The following SFXN5 variants were observed in gnomAD, a reference collection of about 807,000 sequenced individuals.
SFXN5 encodes sideroflexin-5.
In SFXN5, 43 loss-of-function variants were observed where a neutral mutation model predicts 50.2. That is an observed-to-expected ratio of 0.86 (90% CI 0.67 to 1.11). The LOEUF (loss-of-function observed/expected upper bound fraction) is 1.11, where lower values mean the gene tolerates loss of function less well. Ranked by LOEUF, SFXN5 falls within the 50% of genes least tolerant of loss-of-function variation. The pLI, the probability that SFXN5 is intolerant of heterozygous loss-of-function variation, is 0.00. For missense variants in SFXN5, 463 were observed against 454.1 expected (o/e 1.02, Z -0.18); for synonymous variants, 203 against 185.8 (o/e 1.09, Z -0.75).
Position 73,069,781 on chromosome 2 carries a change from T to C in SFXN5, c.102+1823A>G, listed in dbSNP as rs1337571422. ...TGTCTGTTAGGTCACTGAATGTCCCTAGTGCCACATACAGATAACAGACAC... is the reference window on the plus strand; with the variant it reads ...TGTCTGTTAGGTCACTGAATGTCCCCAGTGCCACATACAGATAACAGACAC... On this transcript the variant is annotated intron_variant, in intron 1 of 13. Coordinates refer to ENST00000272433, the MANE Select transcript of SFXN5 (RefSeq NM_144579.3). 2.0e-5 allele frequency among the ~76,000 whole-genome samples: 3 copies of C among 151,038 alleles called. No homozygotes were observed. The Middle Eastern group carries it at 0.01, about 514-fold the overall frequency.
chr2:73,031,418 G>T (rs1375028548), intron 3 of SFXN5, among the ~76,000 whole-genome samples: 2 of 152,222 alleles, frequency 1.3e-5, no homozygotes, highest in Admixed American at 6.5e-5. Flanking sequence ...AATCCTGTGG[G>T]GCAGAGCTAG....
Position 72,961,242 on chromosome 2 carries a change from A to G in SFXN5, c.834T>C (p.Ala278=). 6.5e-7 allele frequency: 1 copy of G among 1,529,674 alleles called. No individual in the cohort carries two copies. Among genetic ancestry groups the G allele is most frequent in the Non-Finnish European group, 8.7e-7 (1 of 1,147,060 alleles). The allele number at this position is 1,529,674 out of a possible 1,614,324, so 94.8% of individuals were successfully genotyped here. Reference sequence around the variant, plus strand: ...GCAGCCGGGGGCGTGCCTGCAGGAGAGCCGTCCTGTGAGGGAGAGAGGAGG... The same window carrying G: ...GCAGCCGGGGGCGTGCCTGCAGGAGGGCCGTCCTGTGAGGGAGAGAGGAGG... ...PIVMSMLEKT[A]LLQARPRLLL... is the part of the protein sequence containing the mutation. The change falls in exon 13 of 14, where the codon GCT becomes GCC. Residue 278 remains alanine, a synonymous_variant. Coordinates refer to ENST00000272433, the MANE Select transcript of SFXN5 (RefSeq NM_144579.3). The surrounding 1 kb of genome is among the most constrained non-coding windows in gnomAD (Gnocchi z 4.4).
rs1671763354 is a variant in SFXN5, at chr2:72,944,934, G to C, written c.*88C>G. ...CCAGGACTGCTGGGGTTGGCGTGCT[G>C]CTCCCTGCAGGTGCAGCCGTGAGTC... is the stretch of plus-strand genomic sequence containing the variant. On this transcript the variant is annotated 3_prime_UTR_variant, in exon 14 of 14. Coordinates refer to ENST00000272433, the MANE Select transcript of SFXN5 (RefSeq NM_144579.3). 2 of 1,281,772 alleles carry C rather than the reference G, an allele frequency of 1.6e-6. No homozygotes were observed. The highest frequency in any genetic ancestry group is 2.2e-6 in the Non-Finnish European group (2 of 904,502). The allele number at this position is 1,281,772 out of a possible 1,614,324, so 79.4% of individuals were successfully genotyped here.
intron 1 of SFXN5, chr2:73,070,555 C>T (rs1683505046): frequency 6.6e-6 from 1 of 152,302 alleles, no homozygotes; most frequent in Non-Finnish European, 1.5e-5. Context: ...AGCGGTCTCT[C>T]TGCCTGTTTC....
intron 6 of SFXN5, among the ~76,000 whole-genome samples, chr2:73,006,011 A>ATT (rs1248001297): frequency 6.6e-6 from 1 of 152,020 alleles, no homozygotes; most frequent in African/African-American, 2.4e-5. Context: ...GAAGGAATTT[A>ATT]TTTCCTCACT....
chr2:73,062,505 T>C (rs1682883300), intron 1 of SFXN5, among the ~76,000 whole-genome samples: 1 of 152,236 alleles, frequency 6.6e-6, no homozygotes, highest in Admixed American at 6.5e-5. Context: ...TGACTTGTCC[T>C]ATGGTCTGGC....
chr2:73,002,004 A>G (rs1242700374), intron 6 of SFXN5, among the ~76,000 whole-genome samples: 1 of 152,222 alleles, frequency 6.6e-6, no homozygotes, highest in Non-Finnish European at 1.5e-5. Context: ...AACAAAAGGA[A>G]TACCTTCGTT....
chr2:72,967,910 A>G (rs1268767720), intron 12 of SFXN5, among the ~76,000 whole-genome samples: 1 of 152,196 alleles, frequency 6.6e-6, no homozygotes, highest in Non-Finnish European at 1.5e-5. Flanking sequence ...CAGTCATGAC[A>G]GATATGAGTG....
intron 9 of SFXN5, chr2:72,995,016 C>T (rs2105636674): frequency 6.6e-6 from 1 of 152,364 alleles, no homozygotes; most frequent in African/African-American, 2.4e-5. Context: ...GCTCCCACCA[C>T]ACCCTGGGGT....
intron 1 of SFXN5, 100 bp downstream of exon 1, chr2:73,071,504 C>T (rs1683620367): frequency 7.2e-6 from 8 of 1,116,526 alleles, no homozygotes; most frequent in Middle Eastern, 2.8e-4. Flanking sequence ...CTCCGCTGGC[C>T]GCGGGTGGGA....
intron 6 of SFXN5, among the ~76,000 whole-genome samples, chr2:73,016,637 G>A (rs532526750): frequency 6.6e-6 from 1 of 152,308 alleles, no homozygotes; most frequent in South Asian, 2.1e-4. Flanking sequence ...CCTGGCATCC[G>A]AGGCTGCAGT....
In SFXN5 at chr2:73,034,960, T is replaced by TA. The variant is rs543068973; in HGVS notation, c.249+5893dup. On this transcript the variant is annotated intron_variant, in intron 3 of 13. Transcript: ENST00000272433. ...GTCTCTTCTCTCTGTCTCTGTCACT[T>TA]ACAGAAGATGTCTCTCCCATTAGAT... 2.7e-3 allele frequency among the ~76,000 whole-genome samples: 410 copies of TA among 152,302 alleles called. 2 individuals carry two copies. The highest frequency in any genetic ancestry group is 6.8e-3 in the Middle Eastern group (2 of 294).
intron 2 of SFXN5, among the ~76,000 whole-genome samples, chr2:73,047,241 AAAAAATATATATATATATATAT>A (rs1200698836): frequency 2.8e-4 from 7 of 25,064 alleles, no homozygotes; most frequent in Non-Finnish European, 4.9e-4. Flanking sequence ...AAAAAAAAAA[AAAAAATATATATATATATATAT>A]ATATATATAT....
At chr2:73,007,672 A>G (rs1674886371) in intron 6 of SFXN5, among the ~76,000 whole-genome samples, 1 of 152,010 alleles carries the variant, frequency 6.6e-6, no homozygotes, top group Admixed American at 6.6e-5. Context: ...GTGTCTTTAC[A>G]TCTCATCCCC....
At chr2:73,028,843 G>A (rs1031262272) in intron 3 of SFXN5, among the ~76,000 whole-genome samples, 1 of 152,174 alleles carries the variant, frequency 6.6e-6, no homozygotes, top group Non-Finnish European at 1.5e-5. Context: ...AGAGCAGAAA[G>A]ACATGAAAGA....
chr2:72,981,432 G>A (rs1671290482), intron 10 of SFXN5, among the ~76,000 whole-genome samples: 1 of 152,038 alleles, frequency 6.6e-6, no homozygotes, highest in African/African-American at 2.4e-5. Flanking sequence ...TGAACAGCAA[G>A]GCTTACATCA....
At chr2:72,976,311 C>T (rs1389857173) in intron 10 of SFXN5, among the ~76,000 whole-genome samples, 1 of 151,946 alleles carries the variant, frequency 6.6e-6, no homozygotes, top group African/African-American at 2.4e-5. Context: ...AAAAAAACTG[C>T]CAAACTTCTT....
chr2:73,009,440 C>T (rs1675204346), intron 6 of SFXN5, among the ~76,000 whole-genome samples: 1 of 152,228 alleles, frequency 6.6e-6, no homozygotes, highest in African/African-American at 2.4e-5. Flanking sequence ...GGCCCAGGTT[C>T]TTCAAATCCA....
intron 9 of SFXN5, among the ~76,000 whole-genome samples, chr2:72,993,218 G>A (rs925266953): frequency 3.3e-5 from 5 of 152,300 alleles, no homozygotes; most frequent in Middle Eastern, 3.4e-3. Flanking sequence ...GGGCAAGGGT[G>A]GGGGAAGGTC....
Sources: allele counts gnomAD v4.1 joint callset (sites outside exome capture counted in the v4.1 genomes callset), GRCh38; gene constraint gnomAD v4.1.1; non-coding constraint Gnocchi (gnomAD v3.1); transcripts MANE v1.5; gene names NCBI Gene and HGNC (gene_info 2026-07-23, HGNC 2026-07-21).